SASH1: variants seen among roughly 807,000 people sequenced by gnomAD.
The protein encoded by SASH1 is SAM and SH3 domain-containing protein 1.
Under a neutral mutation model 125.2 loss-of-function variants are expected in SASH1, and 44 were observed. The ratio of observed to expected loss-of-function variants is 0.35; its 90% confidence interval spans 0.28 to 0.45. The LOEUF (loss-of-function observed/expected upper bound fraction) is 0.45. Ranked by LOEUF, SASH1 falls within the 20% of genes least tolerant of loss-of-function variation. The pLI is 1.00. For missense variants in SASH1, 1,426 were observed against 1,614.5 expected (o/e 0.88, Z 2.00); for synonymous variants, 639 against 649.1 (o/e 0.98, Z 0.24).
In SASH1 at chr6:148,420,376, C is replaced by T. The variant is rs933479681; in HGVS notation, c.286-19808C>T. On this transcript the variant is annotated intron_variant, in intron 2 of 19. Transcript: ENST00000367467. ...AGGCTTAAAAAAAATAAGGATGATA[C>T]TTAAGTCCTCTATTCACACTTGCAA... is the stretch of plus-strand genomic sequence containing the variant. 5.1e-4 allele frequency among the ~76,000 whole-genome samples: 77 copies of T among 152,110 alleles called. 2 individuals carry two copies. The highest frequency in any genetic ancestry group is 8.8e-5 in the Non-Finnish European group (6 of 68,008).
rs754748873 is a variant in SASH1 at position 148,380,060 on chromosome 6, C to T, written c.157-10074C>T. 100 of 446,372 alleles carry T rather than the reference C, an allele frequency of 2.2e-4. 1 individual carries two copies. Among genetic ancestry groups the T allele is most frequent in the Non-Finnish European group, 1.1e-4 (24 of 220,990 alleles). 27.7% of individuals were successfully genotyped at this position (446,372 alleles called of 1,614,324 possible). A position where few individuals can be genotyped will look rare whatever the true frequency, so the allele number is the denominator to read the frequency against. On this transcript the variant is annotated intron_variant, in intron 1 of 19. Coordinates refer to ENST00000367467, the MANE Select transcript of SASH1 (RefSeq NM_015278.5). ...GAGTTTTGGCAATAGCACCAAGAAACAGTTGCTTCAACCTTAGCTGTATAA... is the reference window on the plus strand; with the variant it reads ...GAGTTTTGGCAATAGCACCAAGAAATAGTTGCTTCAACCTTAGCTGTATAA...
chr6:148,310,726 A>C (rs1177174017), intron 1 of SASH1, among the ~76,000 whole-genome samples: 1 of 152,192 alleles, frequency 6.6e-6, no homozygotes, highest in Non-Finnish European at 1.5e-5. Context: ...AAAAGATTTA[A>C]CAGAACACAT....
At chr6:148,267,678 C>T (rs1778979170), upstream of SASH1, among the ~76,000 whole-genome samples, 1 of 152,094 alleles carries the variant, frequency 6.6e-6, no homozygotes, top group Non-Finnish European at 1.5e-5. Flanking sequence ...GTGCCCGGCC[C>T]CAGTGCTACT....
At position 148,544,643 on chromosome 6, in the gene SASH1, C is replaced by T; in HGVS notation, c.3173C>T (p.Pro1058Leu). The change falls in exon 18 of 20, where the codon CCC becomes CTC. Residue 1058 changes from proline (P) to leucine (L), a missense_variant. Pro to Leu is a moderately conservative substitution (Grantham distance 98). Transcript: ENST00000367467. This position sits in a 1 kb window ranked among gnomAD's most constrained non-coding sequence, Gnocchi z 6.4. The part of the protein sequence containing the change: ...APGSPPSTRP[P>L]PWLSELPENT... Reference sequence around the variant, plus strand: ...GGCAGCCCACCAAGCACAAGGCCGCCCCCCTGGCTCTCAGAGCTCCCCGAG... The same window carrying T: ...GGCAGCCCACCAAGCACAAGGCCGCTCCCCTGGCTCTCAGAGCTCCCCGAG... 6.2e-7 allele frequency: 1 copy of T among 1,613,456 alleles called. No homozygotes were observed.
At chr6:148,267,418 G>A (rs146655215), upstream of SASH1, among the ~76,000 whole-genome samples, 6 of 100,708 alleles carry the variant, frequency 6.0e-5, no homozygotes, top group East Asian at 2.3e-4. Flanking sequence ...TCACTCTATC[G>A]CCCAGGCTGG....
intron 8 of SASH1, chr6:148,508,904 A>G: frequency 8.1e-7 from 1 of 1,228,628 alleles, no homozygotes; most frequent in Non-Finnish European, 1.1e-6. Context: ...GTTCAATGGG[A>G]AAGAAAGAAT....
At chr6:148,418,482 A>C (rs1784917460) in intron 2 of SASH1, among the ~76,000 whole-genome samples, 1 of 152,188 alleles carries the variant, frequency 6.6e-6, no homozygotes, top group Admixed American at 6.5e-5. Flanking sequence ...CTGCTTTGTC[A>C]GTCAAATTAT....
chr6:148,326,939 A>C (rs141962881), intron 1 of SASH1, among the ~76,000 whole-genome samples: 42 of 152,146 alleles, frequency 2.8e-4, no homozygotes, highest in African/African-American at 8.2e-4. Flanking sequence ...GGACTTTACA[A>C]TCTTTAACAT....
chr6:148,498,426 A>G (rs1779410865), intron 8 of SASH1, among the ~76,000 whole-genome samples: 2 of 152,046 alleles, frequency 1.3e-5, no homozygotes, highest in South Asian at 4.1e-4. Flanking sequence ...AAAGAAAAAG[A>G]AAAACATATC....
At chr6:148,515,265 T>TA (rs1780374989) in intron 9 of SASH1, among the ~76,000 whole-genome samples, 1 of 152,308 alleles carries the variant, frequency 6.6e-6, no homozygotes. Context: ...CTATGCTTTT[T>TA]AAAAAACACC....
intron 8 of SASH1, chr6:148,512,528 G>A (rs566420798): frequency 8.6e-5 from 85 of 984,624 alleles, no homozygotes; most frequent in Non-Finnish European, 9.8e-5. Context: ...CTGGTTGACC[G>A]CTCCAACCAT....
chr6:148,499,744 G>A (rs954654102), intron 8 of SASH1, among the ~76,000 whole-genome samples: 2 of 152,098 alleles, frequency 1.3e-5, no homozygotes, highest in African/African-American at 2.4e-5. Context: ...TGAGTAAATC[G>A]GAAAACTTGG....
chr6:148,435,090 A>T (rs144140313), intron 2 of SASH1, among the ~76,000 whole-genome samples: 382 of 152,018 alleles, frequency 2.5e-3, no homozygotes, highest in African/African-American at 8.7e-3. Flanking sequence ...TTGCTAGGTG[A>T]GGTGGCTCAT....
Position 148,532,261 on chromosome 6 carries a change from G to A in SASH1, c.1565-536G>A, listed in dbSNP as rs1171841127. ...CCGGCTAATTTTGTTGTAGAGACGG[G>A]GTTTTGCCATGTAGCCCAGGCTGGT... On this transcript the variant is annotated intron_variant, in intron 13 of 19. Transcript: ENST00000367467. The surrounding 1 kb of genome is among the most constrained non-coding windows in gnomAD (Gnocchi z 4.7). Among the ~76,000 whole-genome samples the A allele has an allele frequency of 6.6e-6, 1 of 151,922 alleles. No homozygotes were observed. Among genetic ancestry groups the A allele is most frequent in the Admixed American group, 6.6e-5 (1 of 15,256 alleles).
intron 1 of SASH1, among the ~76,000 whole-genome samples, chr6:148,276,639 G>A (rs550826302): frequency 1.2e-4 from 18 of 152,290 alleles, no homozygotes; most frequent in Non-Finnish European, 2.1e-4. Flanking sequence ...AGCAAAGGGA[G>A]ACAGAGAGAA....
chr6:148,274,730 T>C (rs181644947), intron 1 of SASH1, among the ~76,000 whole-genome samples: 1 of 152,276 alleles, frequency 6.6e-6, no homozygotes, highest in Non-Finnish European at 1.5e-5. Context: ...ACTAACCTAA[T>C]TAATCTACCT....
At chr6:148,248,509 ACAGGTACATTTGT>A in the SASH1 span, among the ~76,000 whole-genome samples, 184 of 152,324 alleles carry the variant, frequency 1.2e-3, 1 homozygote, top group African/African-American at 4.4e-3. Flanking sequence ...TCTACCTGAT[ACAGGTACATTTGT>A]CAGGGGGTAG....
chr6:148,229,719 C>CTTTTT, the SASH1 span, among the ~76,000 whole-genome samples: 6 of 121,394 alleles, frequency 4.9e-5, no homozygotes, highest in Non-Finnish European at 8.3e-5. Flanking sequence ...CGTCAGAGCA[C>CTTTTT]TTTTTTTTTT....
intron 1 of SASH1, among the ~76,000 whole-genome samples, chr6:148,331,542 G>T (rs139707531): frequency 0.023 from 3,471 of 152,112 alleles, 136 homozygotes; most frequent in African/African-American, 0.079. Context: ...TGTTGGCCAG[G>T]CTGGTCTCTA....
Sources: allele counts gnomAD v4.1 joint callset (sites outside exome capture counted in the v4.1 genomes callset), GRCh38; gene constraint gnomAD v4.1.1; non-coding constraint Gnocchi (gnomAD v3.1); transcripts MANE v1.5; gene names NCBI Gene and HGNC (gene_info 2026-07-23, HGNC 2026-07-21).